TMEFF1: variants seen among roughly 807,000 people sequenced by gnomAD.
TMEFF1 encodes tomoregulin-1.
A neutral mutation model predicts 47.5 loss-of-function variants in TMEFF1; 20 were observed. The observed-to-expected ratio is 0.42, with a 90% confidence interval of 0.30 to 0.61. The LOEUF is 0.61. Ranked by LOEUF, TMEFF1 falls within the 20% of genes least tolerant of loss-of-function variation. TMEFF1 has a pLI of 0.19. For synonymous variants in TMEFF1, 162 were observed against 166.3 expected (o/e 0.97, Z 0.20); for missense variants, 411 against 471.1 (o/e 0.87, Z 1.18).
At chr9:100,565,341 T>C (rs1160054289) in intron 8 of TMEFF1, among the ~76,000 whole-genome samples, 3 of 152,160 alleles carry the variant, frequency 2.0e-5, no homozygotes, top group Non-Finnish European at 4.4e-5. Flanking sequence ...GTAGTTCCCT[T>C]TGCATTTGAA....
intron 6 of TMEFF1, among the ~76,000 whole-genome samples, chr9:100,549,350 G>A (rs1396756351): frequency 6.6e-6 from 1 of 152,100 alleles, no homozygotes; most frequent in Admixed American, 6.6e-5. Flanking sequence ...AGGGAAATCT[G>A]CCCCCCATGA....
intron 7 of TMEFF1, 64 bp from the exon 8 acceptor site, chr9:100,561,333 T>C (rs1397838076): frequency 6.4e-7 from 1 of 1,574,032 alleles, no homozygotes; most frequent in African/African-American, 1.4e-5. Context: ...TCAGAACATT[T>C]GAAAAGTCCT....
chr9:100,538,754 G>A (rs1338517026), intron 5 of TMEFF1, among the ~76,000 whole-genome samples: 2 of 152,108 alleles, frequency 1.3e-5, no homozygotes, highest in East Asian at 3.8e-4. Context: ...AGTTAATTCA[G>A]TTTTACTGCT....
At chr9:100,521,806 T>C (rs1385539693) in intron 5 of TMEFF1, among the ~76,000 whole-genome samples, 8 of 152,266 alleles carry the variant, frequency 5.3e-5, no homozygotes, top group Admixed American at 5.2e-4. Context: ...TGCAATGCAC[T>C]TTATGGAAAT....
chr9:100,509,147 T>C lies in TMEFF1; in HGVS notation c.436+13T>C, dbSNP rs775668295. 2.7e-6 allele frequency: 4 copies of C among 1,472,362 alleles called. No homozygotes were observed. The highest frequency in any genetic ancestry group is 2.6e-5 in the Admixed American group (1 of 38,484). 91.2% of individuals were successfully genotyped at this position (1,472,362 alleles called of 1,614,324 possible). On this transcript the variant is annotated intron_variant, in intron 3 of 9. Transcript: ENST00000374879. Reference sequence around the variant, plus strand: ...CCATGCTACTCTGGTATGTATGATATTCTTCTGAATAAATTTTGGAAAATA... The same window carrying C: ...CCATGCTACTCTGGTATGTATGATACTCTTCTGAATAAATTTTGGAAAATA...
At position 100,530,929 on chromosome 9, in the gene TMEFF1, A is replaced by G. The variant is rs562382080; in HGVS notation, c.560+14158A>G. 6.3e-3 allele frequency among the ~76,000 whole-genome samples: 964 copies of G among 152,234 alleles called. 9 individuals are homozygous for G. The highest frequency in any genetic ancestry group is 0.022 in the African/African-American group (897 of 41,516). On this transcript the variant is annotated intron_variant, in intron 5 of 9. Transcript: ENST00000374879. ...CATCCCTGGCATGCAAGGCTGGTTC[A>G]ATATACGCAAATCAATAAATGTAAT...
intron 2 of TMEFF1, among the ~76,000 whole-genome samples, chr9:100,501,470 T>C (rs28645211): frequency 0.015 from 2,330 of 152,178 alleles, 59 homozygotes; most frequent in African/African-American, 0.053. Context: ...GTTTCTGGGG[T>C]ATTTTCTTTT....
chr9:100,506,190 G>A (rs747696934), intron 2 of TMEFF1, among the ~76,000 whole-genome samples: 20 of 152,100 alleles, frequency 1.3e-4, no homozygotes, highest in Non-Finnish European at 2.6e-4. Context: ...AAGTAAATCT[G>A]ATCACTTTTT....
At chr9:100,566,257 A>G (rs1839123713) in intron 8 of TMEFF1, among the ~76,000 whole-genome samples, 1 of 152,170 alleles carries the variant, frequency 6.6e-6, no homozygotes, top group Non-Finnish European at 1.5e-5. Context: ...AGGACTTCCC[A>G]TGACATATGC....
At chr9:100,529,724 A>C (rs1475172531) in intron 5 of TMEFF1, among the ~76,000 whole-genome samples, 4 of 152,276 alleles carry the variant, frequency 2.6e-5, no homozygotes, top group Admixed American at 2.0e-4. Context: ...AATTGAACTC[A>C]GCTCTGCACC....
intron 5 of TMEFF1, among the ~76,000 whole-genome samples, chr9:100,533,627 T>C (rs534268745): frequency 6.6e-6 from 1 of 152,218 alleles, no homozygotes; most frequent in South Asian, 2.1e-4. Context: ...TTGTTATATA[T>C]TTTCCTTCTT....
chr9:100,498,963 T>A, intron 2 of TMEFF1, 89 bp downstream of exon 2: 1 of 1,405,002 alleles, frequency 7.1e-7, no homozygotes, highest in Non-Finnish European at 9.7e-7. Context: ...TAAAACACCT[T>A]GAACCCCATA....
intron 7 of TMEFF1, 88 bp downstream of exon 7, chr9:100,550,248 C>T (rs1838808586): frequency 1.5e-6 from 2 of 1,347,232 alleles, no homozygotes; most frequent in Admixed American, 4.5e-5. Context: ...ATTATAACAA[C>T]ACCTCTAACT....
At chr9:100,542,169 A>T (rs1838646210) in intron 5 of TMEFF1, among the ~76,000 whole-genome samples, 1 of 149,696 alleles carries the variant, frequency 6.7e-6, no homozygotes, top group South Asian at 2.1e-4. Context: ...CCTTCTTGTA[A>T]TGGTAACCTC....
intron 5 of TMEFF1, among the ~76,000 whole-genome samples, chr9:100,542,204 C>T (rs572145791): frequency 8.5e-4 from 129 of 151,838 alleles, no homozygotes; most frequent in African/African-American, 2.9e-3. Context: ...GCATATTCAG[C>T]TTATCACAAT....
chr9:100,526,055 T>C (rs1317837451), intron 5 of TMEFF1, among the ~76,000 whole-genome samples: 1 of 152,224 alleles, frequency 6.6e-6, no homozygotes, highest in Non-Finnish European at 1.5e-5. Context: ...TTGAAGTGTT[T>C]AGGTATTTTT....
At chr9:100,514,751 T>C (rs1291095239) in intron 4 of TMEFF1, among the ~76,000 whole-genome samples, 1 of 151,160 alleles carries the variant, frequency 6.6e-6, no homozygotes, top group Non-Finnish European at 1.5e-5. Flanking sequence ...TCCCAGCACT[T>C]TGGGAGGCCG....
intron 5 of TMEFF1, among the ~76,000 whole-genome samples, chr9:100,521,059 T>C (rs1838151891): frequency 6.6e-6 from 1 of 152,244 alleles, no homozygotes. Flanking sequence ...TTTGCTTCTC[T>C]GCTTCCCTGG....
At chr9:100,540,859 A>G (rs1838615636) in intron 5 of TMEFF1, among the ~76,000 whole-genome samples, 1 of 151,798 alleles carries the variant, frequency 6.6e-6, no homozygotes. Flanking sequence ...TTGTTCTTAT[A>G]TGTTTCCTCT....
Sources: allele counts gnomAD v4.1 joint callset (sites outside exome capture counted in the v4.1 genomes callset), GRCh38; gene constraint gnomAD v4.1.1; transcripts MANE v1.5; gene names NCBI Gene and HGNC (gene_info 2026-07-23, HGNC 2026-07-21).